Variants in SORD observed in about 807,000 individuals in gnomAD.
SORD encodes the protein sorbitol dehydrogenase.
SORD carries 18 observed loss-of-function variants against 35.6 expected under a neutral mutation model. The observed-to-expected ratio is 0.51, with a 90% confidence interval of 0.35 to 0.75. SORD has a LOEUF of 0.75. Among genes scored for constraint, SORD ranks in the 30% least tolerant of loss-of-function variants. The pLI is 0.01. For synonymous variants in SORD, 106 were observed against 152.9 expected (o/e 0.69, Z 2.26); for missense variants, 250 against 390.2 (o/e 0.64, Z 3.03).
At chr15:45,036,005 G>A (rs1892859949) in intron 1 of SORD, among the ~76,000 whole-genome samples, 1 of 151,508 alleles carries the variant, frequency 6.6e-6, no homozygotes, top group Admixed American at 6.6e-5. Context: ...AAGCCAGGGA[G>A]ACCACGAACC....
At chr15:45,062,427 CT>C (rs1214354682) in intron 4 of SORD, among the ~76,000 whole-genome samples, 1 of 152,194 alleles carries the variant, frequency 6.6e-6, no homozygotes, top group Non-Finnish European at 1.5e-5. Context: ...CGCTTTCCCC[CT>C]GACCCAACCC....
chr15:45,027,023 T>C (rs1164316765), intron 1 of SORD, among the ~76,000 whole-genome samples: 4 of 152,250 alleles, frequency 2.6e-5, no homozygotes, highest in African/African-American at 2.4e-5. Flanking sequence ...AATTAGTTAA[T>C]GATCACCTTG....
At position 45,065,250 on chromosome 15, in the gene SORD, G is replaced by A. The variant is rs144008908; in HGVS notation, c.426-21G>A. On this transcript the variant is annotated intron_variant, in intron 4 of 8. Transcript: ENST00000267814. ...ATTGTAGTTAACTCAGAGGATCTCT[G>A]TGTGTCAATTGACTCCTCAGGCTTC... 4,875 of 1,550,962 alleles carry A rather than the reference G, an allele frequency of 3.1e-3. 153 individuals are homozygous for A. In the African/African-American group the frequency reaches 0.061, roughly 19 times the overall value.
intron 6 of SORD, among the ~76,000 whole-genome samples, chr15:45,068,544 C>A (rs1163377495): frequency 1.3e-5 from 2 of 151,386 alleles, no homozygotes; most frequent in African/African-American, 4.9e-5. Flanking sequence ...TTCCTTGGGC[C>A]ACATTGGAAG....
At chr15:45,027,320 G>A (rs1224964215) in intron 1 of SORD, among the ~76,000 whole-genome samples, 1 of 152,272 alleles carries the variant, frequency 6.6e-6, no homozygotes, top group African/African-American at 2.4e-5. Flanking sequence ...CCAGAGTGGG[G>A]TTTAGTCCCC....
In SORD at chr15:45,061,826, G is replaced by A. The variant is rs183505300; in HGVS notation, c.425+600G>A. Among the ~76,000 whole-genome samples, 13 of 152,048 alleles carry A rather than the reference G, an allele frequency of 8.5e-5. 1 individual carries two copies. The highest frequency in any genetic ancestry group is 3.9e-4 in the Admixed American group (6 of 15,276). The stretch of plus-strand genomic sequence containing the variant: ...GGAGGTTGCAGTGAGCCGAGATGGC[G>A]CCACTGCACTCCAGCCTGGGCAACA... On this transcript the variant is annotated intron_variant, in intron 4 of 8. Transcript: ENST00000267814.
chr15:45,056,161 A>G (rs1227646250), intron 3 of SORD, among the ~76,000 whole-genome samples: 5 of 151,524 alleles, frequency 3.3e-5, no homozygotes, highest in Non-Finnish European at 5.9e-5. Flanking sequence ...AGGAGAAGGA[A>G]ATAAAGGGTA....
chr15:45,058,646 T>G (rs1215445734), intron 3 of SORD: 1 of 152,170 alleles, frequency 6.6e-6, no homozygotes, highest in South Asian at 2.1e-4. Context: ...TTTGTCTCAT[T>G]ACCAAGAAAA....
At chr15:45,034,503 G>A (rs1489947626) in intron 1 of SORD, among the ~76,000 whole-genome samples, 2 of 152,258 alleles carry the variant, frequency 1.3e-5, no homozygotes, top group Non-Finnish European at 2.9e-5. Context: ...GTAAAAAAAT[G>A]TATTTAGGAA....
chr15:45,073,556 C>G lies in SORD; in HGVS notation c.*26C>G. On this transcript the variant is annotated 3_prime_UTR_variant, in exon 9 of 9. Transcript: ENST00000267814. ...TGTTAATGGGCTCTGCCCTCATCCC[C>G]ACAGTCTTGGGATCTCAGGGCACAA... The G allele has an allele frequency of 3.1e-6, 5 of 1,600,060 alleles. No homozygotes were observed. The highest frequency in any genetic ancestry group is 4.3e-6 in the Non-Finnish European group (5 of 1,176,166).
chr15:45,046,684 A>C (rs1893049953), intron 3 of SORD, among the ~76,000 whole-genome samples: 2 of 152,236 alleles, frequency 1.3e-5, no homozygotes, highest in African/African-American at 4.8e-5. Flanking sequence ...AGAAGACCAC[A>C]ACTCATCAAA....
At chr15:45,062,184 C>T (rs1219590422) in intron 4 of SORD, among the ~76,000 whole-genome samples, 32 of 152,122 alleles carry the variant, frequency 2.1e-4, no homozygotes, top group African/African-American at 4.6e-4. Context: ...AGGTGGGCAC[C>T]GTTATTGGGT....
At chr15:45,068,120 A>C in intron 5 of SORD, 61 bp from the exon 6 acceptor site, 1 of 1,293,636 alleles carries the variant, frequency 7.7e-7, no homozygotes. Context: ...CATGGCCTGG[A>C]CAAGTGGGAG....
chr15:45,036,003 G>A (rs1048324852), intron 1 of SORD, among the ~76,000 whole-genome samples: 4 of 151,474 alleles, frequency 2.6e-5, no homozygotes, highest in Non-Finnish European at 5.9e-5. Flanking sequence ...TGAAGCCAGG[G>A]AGACCACGAA....
At chr15:45,024,123 T>G (rs1462525862) in intron 1 of SORD, among the ~76,000 whole-genome samples, 3 of 152,120 alleles carry the variant, frequency 2.0e-5, no homozygotes, top group Non-Finnish European at 4.4e-5. Context: ...GCACCAAAGT[T>G]TAGGAAGTGG....
In SORD at chr15:45,035,969, G is replaced by T. The variant is rs144221665; in HGVS notation, c.67-4439G>T. Among the ~76,000 whole-genome samples the T allele has an allele frequency of 1.7e-4, 23 of 133,290 alleles. 1 individual carries two copies. Among genetic ancestry groups the T allele is most frequent in the African/African-American group, 5.4e-4 (19 of 35,018 alleles). 87.4% of individuals were successfully genotyped at this position (133,290 alleles called of 152,430 possible). On this transcript the variant is annotated intron_variant, in intron 1 of 8. Transcript: ENST00000267814. ...CGCCTTTAAGAACTGTAACACTCACGGCGAAGGTCTACAGCTTCACTCCTG... is the reference window on the plus strand; with the variant it reads ...CGCCTTTAAGAACTGTAACACTCACTGCGAAGGTCTACAGCTTCACTCCTG...
chr15:45,041,674 C>T (rs1327869103), intron 2 of SORD: 1 of 152,190 alleles, frequency 6.6e-6, no homozygotes, highest in African/African-American at 2.4e-5. Context: ...GAAAGAGTTA[C>T]CTCACTGTGT....
intron 3 of SORD, among the ~76,000 whole-genome samples, chr15:45,050,002 A>C (rs1893101108): frequency 6.6e-6 from 1 of 152,270 alleles, no homozygotes; most frequent in Non-Finnish European, 1.5e-5. Context: ...ATTTGCATAA[A>C]GTACAGCAAG....
In SORD at chr15:45,027,821, G is replaced by A. The variant is rs175224; in HGVS notation, c.66+4472G>A. Among the ~76,000 whole-genome samples, 8 of 152,222 alleles carry A rather than the reference G, an allele frequency of 5.3e-5. No homozygotes were observed. The East Asian group carries it at 1.5e-3, about 29-fold the overall frequency. On this transcript the variant is annotated intron_variant, in intron 1 of 8. Coordinates refer to ENST00000267814, the MANE Select transcript of SORD (RefSeq NM_003104.6). ...CTATGTTTGGTGGTGGGGGTGGTGG[G>A]AAGCTTGTTTTTACAATGTAGGGTT...
Sources: allele counts gnomAD v4.1 joint callset (sites outside exome capture counted in the v4.1 genomes callset), GRCh38; gene constraint gnomAD v4.1.1; transcripts MANE v1.5; gene names NCBI Gene and HGNC (gene_info 2026-07-23, HGNC 2026-07-21).